HIPK3: variants seen among roughly 807,000 people sequenced by gnomAD.
HIPK3 encodes homeodomain-interacting protein kinase 3.
HIPK3 carries 47 observed loss-of-function variants against 124.2 expected under a neutral mutation model. The ratio of observed to expected loss-of-function variants is 0.38; its 90% CI spans 0.30 to 0.48. HIPK3 has a LOEUF of 0.48. Among genes scored for constraint, HIPK3 ranks in the 20% least tolerant of loss-of-function variants. HIPK3 has a pLI of 0.98. For synonymous variants in HIPK3, 482 were observed against 515.2 expected, an observed-to-expected ratio of 0.94 and a Z score of 0.87; for missense variants, 1,286 against 1,454.3, an observed-to-expected ratio of 0.88 and a Z score of 1.88.
chr11:33,257,975 C>G (rs999022971), intron 1 of HIPK3, 86 bp downstream of exon 1: 1 of 969,072 alleles, frequency 1.0e-6, no homozygotes, highest in East Asian at 1.1e-4. Context: ...GGACCCCAAG[C>G]CTGACCCGGG....
chr11:33,298,634 A>C (rs1443496287), intron 2 of HIPK3, among the ~76,000 whole-genome samples: 1 of 152,262 alleles, frequency 6.6e-6, no homozygotes, highest in Non-Finnish European at 1.5e-5. Flanking sequence ...TGGCAGCATT[A>C]ACAGGAATTT....
chr11:33,314,424 G>A (rs566782302), intron 2 of HIPK3, among the ~76,000 whole-genome samples: 6 of 152,050 alleles, frequency 3.9e-5, no homozygotes, highest in Non-Finnish European at 5.9e-5. Context: ...AGGCCTAGGC[G>A]GGTGGATCAC....
intron 8 of HIPK3, among the ~76,000 whole-genome samples, chr11:33,342,798 G>A (rs534833595): frequency 1.7e-4 from 26 of 152,096 alleles, no homozygotes; most frequent in African/African-American, 5.5e-4. Context: ...CACCTGCCTC[G>A]GCCTCCCAAA....
chr11:33,303,970 G>A (rs570105786), intron 2 of HIPK3, among the ~76,000 whole-genome samples: 17 of 152,118 alleles, frequency 1.1e-4, no homozygotes, highest in African/African-American at 4.1e-4. Flanking sequence ...TTGAAATGGA[G>A]TCTCTCTGTC....
chr11:33,350,309 C>T (rs975885223), intron 14 of HIPK3, among the ~76,000 whole-genome samples: 11 of 152,002 alleles, frequency 7.2e-5, no homozygotes, highest in Non-Finnish European at 1.5e-4. Context: ...CTTTGGCCAG[C>T]GACATGTACC....
In HIPK3 at chr11:33,257,530, G is replaced by A; in HGVS notation, c.-362G>A. 1 of 985,542 alleles carries A rather than the reference G, an allele frequency of 1.0e-6. No individual in the cohort carries two copies. Among genetic ancestry groups the A allele is most frequent in the Non-Finnish European group, 1.2e-6 (1 of 830,036 alleles). The allele number at this position is 985,542 out of a possible 1,614,324, so 61.0% of individuals were successfully genotyped here. On this transcript the variant is annotated 5_prime_UTR_variant, in exon 1 of 17. Coordinates refer to ENST00000303296, the MANE Select transcript of HIPK3 (RefSeq NM_005734.5). ...ATGGGCCCCAATCGCCGTGGGCCCC[G>A]CACCCTGCGTCGCCCGTAGGCCCCA...
chr11:33,336,372 A>G (rs1169960973), intron 3 of HIPK3, among the ~76,000 whole-genome samples: 1 of 152,200 alleles, frequency 6.6e-6, no homozygotes, highest in Non-Finnish European at 1.5e-5. Flanking sequence ...GTGTCTCAAA[A>G]AAGTGTTTCC....
chr11:33,332,095 C>G (rs1174206978), intron 3 of HIPK3, among the ~76,000 whole-genome samples: 3 of 152,116 alleles, frequency 2.0e-5, no homozygotes, highest in Non-Finnish European at 4.4e-5. Flanking sequence ...TTTGAGTCAG[C>G]AGGAAAAATA....
intron 1 of HIPK3, among the ~76,000 whole-genome samples, chr11:33,272,347 C>T (rs1851147831): frequency 1.3e-5 from 2 of 151,252 alleles, no homozygotes; most frequent in Non-Finnish European, 2.9e-5. Context: ...TGCAGTGAGC[C>T]GAGATCGCGC....
intron 2 of HIPK3, among the ~76,000 whole-genome samples, chr11:33,322,238 A>G (rs906783122): frequency 6.6e-6 from 1 of 151,998 alleles, no homozygotes; most frequent in Non-Finnish European, 1.5e-5. Flanking sequence ...TGACCTCGTG[A>G]TCTGCCTGCC....
chr11:33,336,543 G>A (rs1201865563), intron 3 of HIPK3, among the ~76,000 whole-genome samples: 1 of 152,076 alleles, frequency 6.6e-6, no homozygotes, highest in Non-Finnish European at 1.5e-5. Flanking sequence ...TCTTTAAAAT[G>A]TAAGCTGTCA....
intron 2 of HIPK3, among the ~76,000 whole-genome samples, chr11:33,312,632 A>G (rs1002618205): frequency 6.6e-6 from 1 of 152,236 alleles, no homozygotes; most frequent in African/African-American, 2.4e-5. Flanking sequence ...AGTTGATAAG[A>G]TACATATATA....
At position 33,258,469 on chromosome 11, in the gene HIPK3, G is replaced by C. The variant is rs1048804324; in HGVS notation, c.-3+580G>C. 6.1e-6 allele frequency: 6 copies of C among 985,238 alleles called. No homozygotes were observed. The African/African-American group carries it at 1.0e-4, about 17-fold the overall frequency. 61.0% of individuals were successfully genotyped at this position (985,238 alleles called of 1,614,324 possible). On this transcript the variant is annotated intron_variant, in intron 1 of 16. Transcript: ENST00000303296. ...GGGTGTCAACTCTGGGGACGTGCGT[G>C]CGTGTGTGTGATTGTTGGGGAGGAG...
intron 2 of HIPK3, among the ~76,000 whole-genome samples, 171 bp from the exon 3 acceptor site, chr11:33,328,339 C>G (rs1301635075): frequency 1.3e-5 from 2 of 152,156 alleles, no homozygotes; most frequent in Non-Finnish European, 2.9e-5. Flanking sequence ...GTACCCCTTT[C>G]AGATTAATTC....
chr11:33,345,207 C>T (rs917077917), intron 8 of HIPK3, among the ~76,000 whole-genome samples: 1 of 151,960 alleles, frequency 6.6e-6, no homozygotes, highest in Non-Finnish European at 1.5e-5. Context: ...TATTTAACAT[C>T]TGAGTGTTTT....
intron 2 of HIPK3, among the ~76,000 whole-genome samples, chr11:33,327,758 T>C (rs1852855242): frequency 6.6e-6 from 1 of 152,230 alleles, no homozygotes; most frequent in African/African-American, 2.4e-5. Flanking sequence ...TAATCTAGGA[T>C]AACTGTGATC....
intron 2 of HIPK3, among the ~76,000 whole-genome samples, chr11:33,293,422 A>C (rs768652563): frequency 6.6e-6 from 1 of 152,090 alleles, no homozygotes; most frequent in Non-Finnish European, 1.5e-5. Context: ...ATTGTTCCCC[A>C]GTCTGCCCAT....
intron 2 of HIPK3, among the ~76,000 whole-genome samples, chr11:33,322,844 A>AGTC (rs1852704473): frequency 6.6e-6 from 1 of 152,084 alleles, no homozygotes; most frequent in African/African-American, 2.4e-5. Context: ...AAACTAGAAA[A>AGTC]ACGAGTGGCC....
chr11:33,260,532 C>G (rs994094556), intron 1 of HIPK3, among the ~76,000 whole-genome samples: 1 of 152,078 alleles, frequency 6.6e-6, no homozygotes. Context: ...TTGAAGTTAA[C>G]TTTATTTTAC....
Sources: gnomAD v4.1 joint callset for allele counts (sites outside exome capture counted in the v4.1 genomes callset) on GRCh38, gnomAD v4.1.1 for gene constraint, MANE v1.5 for transcripts, NCBI Gene and HGNC (gene_info 2026-07-23, HGNC 2026-07-21) for gene names.